Variants in TMEM87A observed in about 807,000 individuals in gnomAD.
TMEM87A encodes the protein Golgi-pH regulating cation channel.
A neutral mutation model predicts 90.0 loss-of-function variants in TMEM87A; 50 were observed. The observed-to-expected ratio is 0.56, with a 90% CI of 0.44 to 0.70. The LOEUF is 0.70. Among genes scored for constraint, TMEM87A ranks in the 30% least tolerant of loss-of-function variants. TMEM87A has a pLI of 0.00. For missense variants in TMEM87A, 577 were observed against 660.5 expected (o/e 0.87, Z 1.39); for synonymous variants, 226 against 226.7 (o/e 1.00, Z 0.03).
chr15:42,245,093 A>G (rs1469043504), intron 6 of TMEM87A, among the ~76,000 whole-genome samples: 5 of 152,286 alleles, frequency 3.3e-5, no homozygotes, highest in African/African-American at 1.2e-4. Context: ...TGTCAAACAA[A>G]GCAGACTAAA....
intron 1 of TMEM87A, among the ~76,000 whole-genome samples, chr15:42,272,525 T>C (rs1420700712): frequency 6.6e-6 from 1 of 152,210 alleles, no homozygotes; most frequent in Non-Finnish European, 1.5e-5. Context: ...GTAGGTTTAA[T>C]GGGGCTAATG....
At chr15:42,247,566 T>C (rs2051001300) in intron 6 of TMEM87A, among the ~76,000 whole-genome samples, 2 of 152,226 alleles carry the variant, frequency 1.3e-5, no homozygotes, top group Non-Finnish European at 1.5e-5. Flanking sequence ...TTTCTTGTTT[T>C]TGTCAGGTTT....
rs1029217840 is a variant in TMEM87A, at chr15:42,239,526, T to G, written c.684+144A>C. On this transcript the variant is annotated intron_variant, in intron 8 of 19. Transcript: ENST00000389834. ...TGACTCTCTCAAAGTCCCAGTCTAA[T>G]AAGAAATAAATCCAGGACTACAAGC... 4.2e-6 allele frequency: 3 copies of G among 709,846 alleles called. No homozygotes were observed. The South Asian group carries it at 5.2e-5, about 12-fold the overall frequency. 44.0% of individuals were successfully genotyped at this position (709,846 alleles called of 1,614,324 possible).
intron 12 of TMEM87A, among the ~76,000 whole-genome samples, chr15:42,229,356 G>GT (rs1369472009): frequency 1.3e-5 from 2 of 151,136 alleles, no homozygotes; most frequent in East Asian, 1.9e-4. Context: ...CCAGAATAAA[G>GT]TAAGAATGTA....
intron 7 of TMEM87A, among the ~76,000 whole-genome samples, chr15:42,243,708 G>A (rs1385605248): frequency 1.3e-5 from 2 of 151,580 alleles, no homozygotes; most frequent in Non-Finnish European, 2.9e-5. Context: ...TAGTAGAGAC[G>A]GGGTTTCTCC....
In TMEM87A at chr15:42,239,575, A is replaced by G. The variant is rs1403754235; in HGVS notation, c.684+95T>C. On this transcript the variant is annotated intron_variant, in intron 8 of 19. Coordinates refer to ENST00000389834, the MANE Select transcript of TMEM87A (RefSeq NM_015497.5). ...GCAACATTTTCTGAATTGCACAGGA[A>G]CAATTCATTAAAAAGAATACTGCCA... 2.9e-6 allele frequency: 3 copies of G among 1,050,274 alleles called. No homozygotes were observed. In the Admixed American group the frequency reaches 5.3e-5, roughly 19 times the overall value. The allele number at this position is 1,050,274 out of a possible 1,614,324, so 65.1% of individuals were successfully genotyped here.
At chr15:42,231,954 A>G in intron 11 of TMEM87A, 1 of 1,173,820 alleles carries the variant, frequency 8.5e-7, no homozygotes, top group Non-Finnish European at 1.1e-6. Flanking sequence ...AAATTGACAG[A>G]GGGTTAAAGT....
chr15:42,240,529 C>A (rs2050849455), intron 7 of TMEM87A, among the ~76,000 whole-genome samples: 2 of 152,126 alleles, frequency 1.3e-5, no homozygotes. Context: ...GATAAAGTAA[C>A]AGTAATAACA....
intron 13 of TMEM87A, 107 bp from the exon 14 acceptor site, chr15:42,227,876 A>T: frequency 1.2e-6 from 1 of 852,346 alleles, no homozygotes; most frequent in South Asian, 1.4e-5. Flanking sequence ...CGAACCCCCA[A>T]ATACATCACA....
At chr15:42,239,621 G>T in intron 8 of TMEM87A, 49 bp downstream of exon 8, 1 of 1,472,504 alleles carries the variant, frequency 6.8e-7, no homozygotes, top group Non-Finnish European at 9.5e-7. Flanking sequence ...GACAATCTTT[G>T]AACCCAAAAC....
intron 19 of TMEM87A, among the ~76,000 whole-genome samples, chr15:42,215,723 T>C (rs1274547484): frequency 6.6e-6 from 1 of 151,946 alleles, no homozygotes; most frequent in African/African-American, 2.4e-5. Context: ...ATGGTCATTA[T>C]CAAAAAACAA....
chr15:42,272,778 T>C, intron 1 of TMEM87A: 1 of 369,988 alleles, frequency 2.7e-6, no homozygotes, highest in Non-Finnish European at 5.3e-6. Flanking sequence ...AAGCTTAGAA[T>C]AGCCATTCCA....
chr15:42,272,205 A>AC lies in TMEM87A; in HGVS notation c.145-83_145-82insG. 6 of 1,005,964 alleles carry AC rather than the reference A, an allele frequency of 6.0e-6. No individual in the cohort carries two copies. The Admixed American group carries it at 1.2e-4, about 21-fold the overall frequency. The allele number at this position is 1,005,964 out of a possible 1,614,324, so 62.3% of individuals were successfully genotyped here. ...ATATAACTATCTAAGACTGCTAGAA[A>AC]TTCCAACTTAACTTAAATCTTTATG... On this transcript the variant is annotated intron_variant, in intron 1 of 19. Coordinates refer to ENST00000389834, the MANE Select transcript of TMEM87A (RefSeq NM_015497.5).
chr15:42,243,961 C>T (rs1285919778), intron 7 of TMEM87A, 89 bp downstream of exon 7: 1 of 726,732 alleles, frequency 1.4e-6, no homozygotes, highest in Non-Finnish European at 2.2e-6. Flanking sequence ...AATCTGATAC[C>T]TGTAATACCT....
intron 12 of TMEM87A, among the ~76,000 whole-genome samples, chr15:42,229,576 T>A: frequency 6.6e-6 from 1 of 151,942 alleles, no homozygotes; most frequent in African/African-American, 2.4e-5. Context: ...TTGAGGGTCA[T>A]AATTATACTC....
chr15:42,218,646 A>C (rs1462575694), intron 17 of TMEM87A, among the ~76,000 whole-genome samples: 1 of 152,216 alleles, frequency 6.6e-6, no homozygotes, highest in Non-Finnish European at 1.5e-5. Flanking sequence ...ATTCGACGTA[A>C]GTGAGATCAT....
intron 17 of TMEM87A, among the ~76,000 whole-genome samples, chr15:42,219,176 T>C (rs1473876554): frequency 6.6e-6 from 1 of 152,228 alleles, no homozygotes. Flanking sequence ...ATAAAAATTT[T>C]TTCATATACT....
At chr15:42,218,551 C>G (rs1384966298) in intron 17 of TMEM87A, among the ~76,000 whole-genome samples, 173 bp from the exon 18 acceptor site, 1 of 151,964 alleles carries the variant, frequency 6.6e-6, no homozygotes, top group Non-Finnish European at 1.5e-5. Flanking sequence ...TTTAAAAATC[C>G]CTTTGACCAA....
At chr15:42,228,583 C>T in intron 13 of TMEM87A, 129 bp downstream of exon 13, 1 of 698,664 alleles carries the variant, frequency 1.4e-6, no homozygotes, top group South Asian at 1.7e-5. Flanking sequence ...GAGAATTTGA[C>T]AAGAGCTAAG....
Sources: allele counts gnomAD v4.1 joint callset (sites outside exome capture counted in the v4.1 genomes callset), GRCh38; gene constraint gnomAD v4.1.1; transcripts MANE v1.5; gene names NCBI Gene and HGNC (gene_info 2026-07-23, HGNC 2026-07-21).